ABTB3: variants seen among roughly 807,000 people sequenced by gnomAD.
ABTB3 encodes the protein ankyrin repeat and BTB domain containing 3.
At chr12:107,650,380 A>G in the ABTB3 span, 1 of 152,098 alleles carries the variant, frequency 6.6e-6, no homozygotes, top group Non-Finnish European at 1.5e-5. Flanking sequence ...CTTTCTTCCT[A>G]TTCTGTGAAA....
the ABTB3 span, among the ~76,000 whole-genome samples, chr12:107,465,963 T>C: frequency 2.1e-3 from 318 of 152,286 alleles, no homozygotes; most frequent in African/African-American, 7.0e-3. Flanking sequence ...AGCCCTACTA[T>C]GCATCCAGCA....
chr12:107,353,129 A>G, the ABTB3 span, among the ~76,000 whole-genome samples: 112 of 152,258 alleles, frequency 7.4e-4, no homozygotes, highest in Non-Finnish European at 1.4e-3. Context: ...AGACCCTGGC[A>G]TTCAGGTCAT....
At chr12:107,523,204 G>T in the ABTB3 span, among the ~76,000 whole-genome samples, 3 of 152,104 alleles carry the variant, frequency 2.0e-5, no homozygotes, top group African/African-American at 4.8e-5. Context: ...TTAAACTTAC[G>T]GCCTGCACCT....
At chr12:107,482,716 T>G in the ABTB3 span, among the ~76,000 whole-genome samples, 1 of 152,194 alleles carries the variant, frequency 6.6e-6, no homozygotes, top group South Asian at 2.1e-4. Flanking sequence ...GGAGCAGGTA[T>G]AGGATATCTC....
chr12:107,349,460 T>C, the ABTB3 span, among the ~76,000 whole-genome samples: 1 of 152,190 alleles, frequency 6.6e-6, no homozygotes, highest in Non-Finnish European at 1.5e-5. Context: ...CATTTATTCA[T>C]TCATTCCCCA....
chr12:107,526,351 A>T, the ABTB3 span, among the ~76,000 whole-genome samples: 3 of 152,144 alleles, frequency 2.0e-5, no homozygotes, highest in African/African-American at 7.2e-5. Context: ...TGGACTTCAC[A>T]GTTGACTTAG....
the ABTB3 span, among the ~76,000 whole-genome samples, chr12:107,525,822 C>T: frequency 6.6e-6 from 1 of 152,142 alleles, no homozygotes; most frequent in Non-Finnish European, 1.5e-5. Context: ...AAAACATATC[C>T]ACTATTTCTG....
chr12:107,615,213 A>G, the ABTB3 span: 3 of 1,427,994 alleles, frequency 2.1e-6, no homozygotes, highest in Non-Finnish European at 2.0e-6. Flanking sequence ...TACCTCTTCC[A>G]TAACACACAT....
the ABTB3 span, among the ~76,000 whole-genome samples, chr12:107,518,711 C>A: frequency 2.0e-5 from 3 of 152,096 alleles, no homozygotes; most frequent in Non-Finnish European, 4.4e-5. Context: ...TGTAACAAAC[C>A]TGCACATTGT....
At chr12:107,620,723 GCT>G in the ABTB3 span, among the ~76,000 whole-genome samples, 1 of 152,202 alleles carries the variant, frequency 6.6e-6, no homozygotes, top group Non-Finnish European at 1.5e-5. Context: ...AATGAACCTA[GCT>G]CTGACCCCTT....
At chr12:107,433,737 G>C in the ABTB3 span, among the ~76,000 whole-genome samples, 1 of 152,180 alleles carries the variant, frequency 6.6e-6, no homozygotes, top group Non-Finnish European at 1.5e-5. Context: ...AACTAAGATA[G>C]CCAATAAAGG....
At chr12:107,539,381 A>T in the ABTB3 span, among the ~76,000 whole-genome samples, 1 of 152,172 alleles carries the variant, frequency 6.6e-6, no homozygotes, top group Non-Finnish European at 1.5e-5. Flanking sequence ...ACTAGGCTAA[A>T]GTGATGTGAA....
the ABTB3 span, among the ~76,000 whole-genome samples, chr12:107,359,867 G>A: frequency 1.2e-4 from 19 of 152,084 alleles, no homozygotes; most frequent in African/African-American, 2.4e-4. Flanking sequence ...TCCTTTCATC[G>A]TCAGCTGCCA....
the ABTB3 span, chr12:107,620,084 A>T: frequency 1.9e-6 from 3 of 1,614,142 alleles, no homozygotes; most frequent in Middle Eastern, 1.6e-4. Context: ...GGAGTTTAAG[A>T]CCATTCAGGA....
the ABTB3 span, among the ~76,000 whole-genome samples, chr12:107,348,145 A>G: frequency 6.6e-6 from 1 of 152,100 alleles, no homozygotes; most frequent in African/African-American, 2.4e-5. Flanking sequence ...CCCATACTTC[A>G]CTACTTTTAT....
chr12:107,582,745 A>G, the ABTB3 span, among the ~76,000 whole-genome samples: 1 of 152,158 alleles, frequency 6.6e-6, no homozygotes. Flanking sequence ...GTCCTACTCT[A>G]AGTCCAGCCT....
At chr12:107,630,862 T>C in the ABTB3 span, among the ~76,000 whole-genome samples, 2 of 152,250 alleles carry the variant, frequency 1.3e-5, no homozygotes, top group African/African-American at 2.4e-5. Flanking sequence ...ATTACTATGG[T>C]ACATTTGTTA....
At chr12:107,546,636 G>A in the ABTB3 span, among the ~76,000 whole-genome samples, 1 of 152,178 alleles carries the variant, frequency 6.6e-6, no homozygotes, top group Admixed American at 6.5e-5. Flanking sequence ...GGCTGAGGCA[G>A]GTGGATCACC....
the ABTB3 span, among the ~76,000 whole-genome samples, chr12:107,484,624 T>C: frequency 4.0e-5 from 6 of 150,068 alleles, no homozygotes; most frequent in African/African-American, 1.5e-4. Flanking sequence ...ATAGAATCAC[T>C]CTGGTTGTTG....
Sources: allele counts gnomAD v4.1 joint callset (sites outside exome capture counted in the v4.1 genomes callset), GRCh38; gene constraint gnomAD v4.1.1; transcripts MANE v1.5; gene names NCBI Gene and HGNC (gene_info 2026-07-23, HGNC 2026-07-21).